Variants in DGKB observed in about 807,000 individuals in gnomAD.
DGKB encodes the protein 90 kDa diacylglycerol kinase.
DGKB carries 67 observed loss-of-function variants against 114.3 expected under a neutral mutation model. The observed-to-expected ratio is 0.59, with a 90% CI of 0.48 to 0.72. DGKB has a LOEUF of 0.72. DGKB is among the 30% of genes least tolerant of loss of function. The pLI, the probability that DGKB is intolerant of heterozygous loss-of-function variation, is 0.00. For missense variants in DGKB, 907 were observed against 975.2 expected, an observed-to-expected ratio of 0.93 and a Z score of 0.93; for synonymous variants, 398 against 323.1, an observed-to-expected ratio of 1.23 and a Z score of -2.49.
intron 3 of DGKB, among the ~76,000 whole-genome samples, chr7:14,754,236 T>A (rs1016933075): frequency 6.6e-6 from 1 of 152,054 alleles, no homozygotes; most frequent in Non-Finnish European, 1.5e-5. Flanking sequence ...AGCCCCCCGG[T>A]TGATTCTGAG....
Position 14,353,422 on chromosome 7 carries a change from C to T in DGKB, c.1836-8031G>A, listed in dbSNP as rs116689663. ...GACACATACAAAGTAAAAGCTTTGCCCCTCTTTTCCTATTTTTGCATGTTC... is the reference window on the plus strand; with the variant it reads ...GACACATACAAAGTAAAAGCTTTGCTCCTCTTTTCCTATTTTTGCATGTTC... On this transcript the variant is annotated intron_variant, in intron 21 of 25. Coordinates refer to ENST00000402815, the MANE Select transcript of DGKB (RefSeq NM_001350709.2). Among the ~76,000 whole-genome samples the T allele has an allele frequency of 3.6e-3, 542 of 152,130 alleles. 1 individual carries two copies. The highest frequency in any genetic ancestry group is 0.012 in the African/African-American group (512 of 41,490).
At chr7:14,911,325 CTTAAG>C (rs1391987860) in intron 1 of DGKB, among the ~76,000 whole-genome samples, 2 of 152,040 alleles carry the variant, frequency 1.3e-5, no homozygotes, top group African/African-American at 4.8e-5. Context: ...AATAATTGAT[CTTAAG>C]TTATTTCATA....
chr7:14,893,510 T>C (rs1206334851), intron 1 of DGKB, among the ~76,000 whole-genome samples: 1 of 151,390 alleles, frequency 6.6e-6, no homozygotes, highest in African/African-American at 2.4e-5. Flanking sequence ...TTTTTCACTC[T>C]ACGTTCTCTT....
intron 21 of DGKB, among the ~76,000 whole-genome samples, chr7:14,457,967 T>G (rs1243377123): frequency 6.6e-6 from 1 of 152,180 alleles, no homozygotes; most frequent in Non-Finnish European, 1.5e-5. Flanking sequence ...ACTCATCCAG[T>G]GTTCTCTGGA....
chr7:14,678,611 G>A (rs532382302), intron 12 of DGKB, among the ~76,000 whole-genome samples: 1 of 151,982 alleles, frequency 6.6e-6, no homozygotes, highest in Non-Finnish European at 1.5e-5. Context: ...CCAACTTGAT[G>A]CAAGGGGTGT....
chr7:14,824,372 C>G (rs190292181), intron 2 of DGKB, among the ~76,000 whole-genome samples: 1 of 151,906 alleles, frequency 6.6e-6, no homozygotes, highest in East Asian at 1.9e-4. Context: ...TTCTGTCTGG[C>G]TTTAGAATTG....
intron 2 of DGKB, among the ~76,000 whole-genome samples, chr7:14,768,541 C>T (rs1836810071): frequency 6.8e-6 from 1 of 146,524 alleles, no homozygotes. Flanking sequence ...TTTTCTAGCA[C>T]ATCAAATTCC....
At chr7:14,680,381 A>G (rs750433235) in intron 12 of DGKB, among the ~76,000 whole-genome samples, 11 of 151,998 alleles carry the variant, frequency 7.2e-5, no homozygotes, top group Non-Finnish European at 1.6e-4. Flanking sequence ...TTTGAGACAT[A>G]TGATATTTAG....
intron 1 of DGKB, among the ~76,000 whole-genome samples, chr7:14,886,755 AG>A (rs1855126596): frequency 6.6e-6 from 1 of 151,854 alleles, no homozygotes; most frequent in Non-Finnish European, 1.5e-5. Context: ...AGCACATTGC[AG>A]CTAGAGTAAT....
intron 2 of DGKB, among the ~76,000 whole-genome samples, chr7:14,788,110 G>T (rs1295526456): frequency 6.6e-6 from 1 of 152,172 alleles, no homozygotes; most frequent in African/African-American, 2.4e-5. Context: ...GGTATCCTCT[G>T]GTACCTTTAT....
At chr7:14,453,622 T>C (rs1417198431) in intron 21 of DGKB, among the ~76,000 whole-genome samples, 1 of 152,176 alleles carries the variant, frequency 6.6e-6, no homozygotes, top group African/African-American at 2.4e-5. Context: ...GTTCTGAAAT[T>C]TATCTGTAAT....
rs1464945734 is a variant in DGKB at position 14,313,825 on chromosome 7, G to T, written c.2122+24690C>A. Among the ~76,000 whole-genome samples the T allele has an allele frequency of 7.9e-5, 12 of 152,096 alleles. 1 individual carries two copies. The highest frequency in any genetic ancestry group is 7.2e-4 in the Admixed American group (11 of 15,274). On this transcript the variant is annotated intron_variant, in intron 23 of 25. Transcript: ENST00000402815. ...TGCCTCTGTAGGCTCCACCTCTGGGGGCAGGGCACAGACAAACAAAAAGAC... is the reference window on the plus strand; with the variant it reads ...TGCCTCTGTAGGCTCCACCTCTGGGTGCAGGGCACAGACAAACAAAAAGAC...
chr7:14,339,050 C>T (rs1014292486), intron 22 of DGKB, among the ~76,000 whole-genome samples: 1 of 151,882 alleles, frequency 6.6e-6, no homozygotes, highest in Admixed American at 6.6e-5. Flanking sequence ...AAGGTTAATT[C>T]TGGAAACTAT....
At chr7:14,902,049 A>G (rs892305121) in intron 1 of DGKB, among the ~76,000 whole-genome samples, 1 of 152,162 alleles carries the variant, frequency 6.6e-6, no homozygotes, top group Admixed American at 6.6e-5. Context: ...AATGTTTATC[A>G]TATCATCAGT....
chr7:14,781,121 C>G (rs1839022107), intron 2 of DGKB, among the ~76,000 whole-genome samples: 2 of 152,120 alleles, frequency 1.3e-5, no homozygotes, highest in Admixed American at 1.3e-4. Flanking sequence ...GTCTATTTAA[C>G]CATAAAAGCC....
chr7:14,828,633 G>C (rs1451481741), intron 2 of DGKB, among the ~76,000 whole-genome samples: 3 of 152,056 alleles, frequency 2.0e-5, no homozygotes, highest in Admixed American at 6.6e-5. Context: ...TGGACAAAAT[G>C]TCATGGTATT....
intron 1 of DGKB, among the ~76,000 whole-genome samples, chr7:14,851,376 A>G (rs1849327003): frequency 6.6e-6 from 1 of 152,114 alleles, no homozygotes; most frequent in South Asian, 2.1e-4. Context: ...CTTCAAGTGA[A>G]TTTTCTATTC....
intron 23 of DGKB, among the ~76,000 whole-genome samples, chr7:14,189,212 C>A (rs1783943632): frequency 1.3e-5 from 2 of 152,034 alleles, no homozygotes; most frequent in Admixed American, 6.6e-5. Context: ...CCAAGAATTA[C>A]AATTAATGGC....
At chr7:14,895,999 T>C (rs1466905029) in intron 1 of DGKB, among the ~76,000 whole-genome samples, 1 of 151,738 alleles carries the variant, frequency 6.6e-6, no homozygotes, top group Admixed American at 6.6e-5. Context: ...AAGTTTTGTT[T>C]TCAGGTCAAG....
Sources: allele counts gnomAD v4.1 joint callset (sites outside exome capture counted in the v4.1 genomes callset), GRCh38; gene constraint gnomAD v4.1.1; transcripts MANE v1.5; gene names NCBI Gene and HGNC (gene_info 2026-07-23, HGNC 2026-07-21).